DNM3: variants seen among roughly 807,000 people sequenced by gnomAD.
The protein encoded by DNM3 is dynamin-3.
A neutral mutation model predicts 101.6 loss-of-function variants in DNM3; 47 were observed. The observed-to-expected ratio is 0.46, with a 90% confidence interval of 0.37 to 0.59. The LOEUF (loss-of-function observed/expected upper bound fraction) is 0.59. Among genes scored for constraint, DNM3 ranks in the 20% least tolerant of loss-of-function variants. The probability of loss-of-function intolerance (pLI) is 0.00; values close to 1 mark genes in which losing one functional copy is unlikely to be tolerated. For synonymous variants in DNM3, 385 were observed against 387.9 expected (o/e 0.99, Z 0.09); for missense variants, 849 against 1,085.7 (o/e 0.78, Z 3.06).
chr1:172,255,765 G>A (rs368583970), intron 15 of DNM3, among the ~76,000 whole-genome samples: 7 of 152,136 alleles, frequency 4.6e-5, no homozygotes, highest in African/African-American at 1.7e-4. Flanking sequence ...GACCTCCAGT[G>A]CAATGTTGAC....
At chr1:172,235,879 A>C (rs2061523284) in intron 14 of DNM3, among the ~76,000 whole-genome samples, 1 of 152,158 alleles carries the variant, frequency 6.6e-6, no homozygotes, top group Non-Finnish European at 1.5e-5. Context: ...TAGCATTAGG[A>C]GATATACCTA....
intron 7 of DNM3, 85 bp from the exon 8 acceptor site, chr1:172,041,924 C>A: frequency 6.9e-7 from 1 of 1,443,132 alleles, no homozygotes; most frequent in Non-Finnish European, 9.2e-7. Context: ...GAAAAGGATT[C>A]TAAGGAATAA....
chr1:171,962,559 C>T (rs901396975), intron 2 of DNM3, among the ~76,000 whole-genome samples: 5 of 152,034 alleles, frequency 3.3e-5, no homozygotes, highest in Admixed American at 6.6e-5. Flanking sequence ...CTAGCTGATT[C>T]GGTTCCTGGT....
intron 14 of DNM3, among the ~76,000 whole-genome samples, chr1:172,231,094 A>G (rs2061319084): frequency 6.6e-6 from 1 of 151,330 alleles, no homozygotes; most frequent in Non-Finnish European, 1.5e-5. Context: ...TATGTCTCCA[A>G]CTCTGAACTC....
chr1:172,344,075 T>C (rs1437819050), intron 17 of DNM3, among the ~76,000 whole-genome samples: 4 of 152,210 alleles, frequency 2.6e-5, no homozygotes, highest in African/African-American at 4.8e-5. Context: ...TACAGCCAAA[T>C]TGAGCAGCTC....
At chr1:172,070,343 G>A (rs1291985247) in intron 11 of DNM3, among the ~76,000 whole-genome samples, 2 of 152,144 alleles carry the variant, frequency 1.3e-5, no homozygotes, top group African/African-American at 4.8e-5. Flanking sequence ...CTCCTGGGCT[G>A]AGAAAACTTA....
intron 14 of DNM3, among the ~76,000 whole-genome samples, chr1:172,193,020 A>G (rs1340773415): frequency 1.3e-5 from 2 of 151,560 alleles, no homozygotes; most frequent in African/African-American, 4.9e-5. Flanking sequence ...CAATTTCTCT[A>G]CATCCTCTCC....
chr1:172,232,649 C>A (rs2061383239), intron 14 of DNM3, among the ~76,000 whole-genome samples: 1 of 152,190 alleles, frequency 6.6e-6, no homozygotes, highest in South Asian at 2.1e-4. Context: ...TAAAGCACTT[C>A]TCAGCAAATG....
At chr1:171,857,247 GAC>G (rs1328128916) in intron 1 of DNM3, among the ~76,000 whole-genome samples, 1 of 152,156 alleles carries the variant, frequency 6.6e-6, no homozygotes, top group Non-Finnish European at 1.5e-5. Context: ...GATGGAGGGA[GAC>G]ATCTGAGGTA....
At chr1:171,879,768 G>A (rs888083889) in intron 1 of DNM3, among the ~76,000 whole-genome samples, 6 of 152,178 alleles carry the variant, frequency 3.9e-5, no homozygotes, top group Non-Finnish European at 7.3e-5. Context: ...CAGGAGTCAC[G>A]AAGCAACTGT....
chr1:171,866,619 G>T (rs2034775158), intron 1 of DNM3, among the ~76,000 whole-genome samples: 1 of 151,850 alleles, frequency 6.6e-6, no homozygotes, highest in African/African-American at 2.4e-5. Flanking sequence ...TTGACATATT[G>T]CTTCCTCTAT....
intron 2 of DNM3, among the ~76,000 whole-genome samples, chr1:171,943,933 G>A (rs1007387153): frequency 6.6e-6 from 1 of 152,038 alleles, no homozygotes; most frequent in Non-Finnish European, 1.5e-5. Flanking sequence ...TTTCCCCTAT[G>A]AATGTATTAT....
chr1:172,368,614 A>G (rs2068154993), intron 17 of DNM3, among the ~76,000 whole-genome samples: 1 of 151,874 alleles, frequency 6.6e-6, no homozygotes, highest in Non-Finnish European at 1.5e-5. Flanking sequence ...GGAAAGAAAT[A>G]ATAAAGATCA....
At chr1:172,291,969 G>A (rs191713855) in intron 15 of DNM3, among the ~76,000 whole-genome samples, 3 of 152,160 alleles carry the variant, frequency 2.0e-5, no homozygotes, top group Non-Finnish European at 2.9e-5. Flanking sequence ...AGAAGGATGG[G>A]CCCAGACTAA....
intron 17 of DNM3, among the ~76,000 whole-genome samples, chr1:172,367,824 C>T (rs893845106): frequency 2.6e-5 from 4 of 151,838 alleles, no homozygotes; most frequent in African/African-American, 7.2e-5. Flanking sequence ...ACCCAAATCT[C>T]ATCTTGAATT....
rs148811658 is a variant in DNM3, at chr1:172,208,951, C to T, written c.1660-44622C>T. On this transcript the variant is annotated intron_variant, in intron 14 of 20. Transcript: ENST00000627582. ...TACATGGATCCAGGTAGAAAGGAAG[C>T]GACTGGTGGAAGAAGCAACAGAAGA... Among the ~76,000 whole-genome samples, 41 of 152,108 alleles carry T rather than the reference C, an allele frequency of 2.7e-4. No individual in the cohort carries two copies. The East Asian group carries it at 3.9e-3, about 14-fold the overall frequency.
intron 4 of DNM3, among the ~76,000 whole-genome samples, chr1:172,020,720 T>TGAAAAAA (rs1558433596): frequency 2.4e-5 from 1 of 41,294 alleles, no homozygotes; most frequent in African/African-American, 4.6e-4. Flanking sequence ...TGAGACTCCG[T>TGAAAAAA]CAAAAAAAAA....
chr1:172,056,177 G>A (rs1181773245), intron 10 of DNM3, among the ~76,000 whole-genome samples: 1 of 152,232 alleles, frequency 6.6e-6, no homozygotes, highest in Non-Finnish European at 1.5e-5. Context: ...TCCCGCACCT[G>A]GCTCAGAGGG....
intron 14 of DNM3, among the ~76,000 whole-genome samples, chr1:172,205,228 T>G (rs1274243585): frequency 2.6e-5 from 4 of 152,096 alleles, no homozygotes; most frequent in African/African-American, 9.7e-5. Context: ...CCAGGTTACC[T>G]TTTGCTATCA....
Sources: gnomAD v4.1 joint callset for allele counts (sites outside exome capture counted in the v4.1 genomes callset) on GRCh38, gnomAD v4.1.1 for gene constraint, MANE v1.5 for transcripts, NCBI Gene and HGNC (gene_info 2026-07-23, HGNC 2026-07-21) for gene names.